The following AGMO variants were observed in gnomAD, a reference collection of about 807,000 sequenced individuals.
The protein encoded by AGMO is glyceryl-ether monooxygenase.
AGMO carries 75 observed loss-of-function variants against 60.2 expected under a neutral mutation model. The ratio of observed to expected loss-of-function variants is 1.25; its 90% confidence interval spans 1.03 to 1.51. The LOEUF (loss-of-function observed/expected upper bound fraction) is 1.51, where lower values mean the gene tolerates loss of function less well. Ranked by LOEUF, AGMO falls within the 40% of genes most tolerant of loss-of-function variation. The pLI is 0.00. For missense variants in AGMO, 763 were observed against 525.5 expected, an observed-to-expected ratio of 1.45 and a Z score of -4.42; for synonymous variants, 261 against 177.1, an observed-to-expected ratio of 1.47 and a Z score of -3.76.
intron 2 of AGMO, among the ~76,000 whole-genome samples, chr7:15,554,854 A>G (rs1437000003): frequency 6.6e-6 from 1 of 152,034 alleles, no homozygotes; most frequent in Non-Finnish European, 1.5e-5. Context: ...ACCCATCACC[A>G]GGAATAGAAG....
Position 15,293,941 on chromosome 7 carries a change from G to A in AGMO, c.1263+71573C>T, listed in dbSNP as rs114299675. On this transcript the variant is annotated intron_variant, in intron 12 of 12. Coordinates refer to ENST00000342526, the MANE Select transcript of AGMO (RefSeq NM_001004320.2). Reference sequence around the variant, plus strand: ...TGAAGAAATAATGTTATTAGGTAAAGTTGAATTTAACAGAAGGTCTAAGTA... The same window carrying A: ...TGAAGAAATAATGTTATTAGGTAAAATTGAATTTAACAGAAGGTCTAAGTA... Among the ~76,000 whole-genome samples, 801 of 151,276 alleles carry A rather than the reference G, an allele frequency of 5.3e-3. 6 individuals carry two copies. Among genetic ancestry groups the A allele is most frequent in the African/African-American group, 0.018 (747 of 40,634 alleles).
chr7:15,553,245 G>T (rs942532612), intron 2 of AGMO, among the ~76,000 whole-genome samples: 7 of 150,454 alleles, frequency 4.7e-5, no homozygotes, highest in Non-Finnish European at 5.9e-5. Flanking sequence ...TGGGTGCAGC[G>T]CACCAGCATG....
chr7:15,219,736 G>C (rs1015258710), intron 12 of AGMO, among the ~76,000 whole-genome samples: 3 of 152,138 alleles, frequency 2.0e-5, no homozygotes, highest in African/African-American at 7.2e-5. Context: ...AGCTGATGAT[G>C]ACAGTGGCCA....
chr7:15,163,680 A>G, the AGMO span, among the ~76,000 whole-genome samples: 2 of 152,072 alleles, frequency 1.3e-5, no homozygotes, highest in African/African-American at 4.8e-5. Flanking sequence ...TCCCTTGATC[A>G]TGATGTATTA....
At chr7:15,164,667 A>G in the AGMO span, among the ~76,000 whole-genome samples, 1 of 152,140 alleles carries the variant, frequency 6.6e-6, no homozygotes, top group South Asian at 2.1e-4. Context: ...TTTTTTTCAG[A>G]GAAATGCAAG....
chr7:15,268,199 G>A (rs547082198), intron 12 of AGMO, among the ~76,000 whole-genome samples: 1 of 152,038 alleles, frequency 6.6e-6, no homozygotes, highest in South Asian at 2.1e-4. Context: ...ATAGTCTTAT[G>A]AAGTCTCAGT....
rs538193021 is a variant in AGMO, at chr7:15,529,529, G to C, written c.409+15243C>G. Among the ~76,000 whole-genome samples the C allele has an allele frequency of 6.7e-4, 59 of 88,218 alleles. 2 individuals are homozygous for C. In the South Asian group the frequency reaches 0.02, roughly 30 times the overall value. 57.9% of individuals were successfully genotyped at this position (88,218 alleles called of 152,430 possible). A position where few individuals can be genotyped will look rare whatever the true frequency, so the allele number is the denominator to read the frequency against. ...TAGACTAGAATCTGTTCTTAGACTAGAATATATATATATTCTATATATATA... is the reference window on the plus strand; with the variant it reads ...TAGACTAGAATCTGTTCTTAGACTACAATATATATATATTCTATATATATA... On this transcript the variant is annotated intron_variant, in intron 3 of 12. Transcript: ENST00000342526.
At chr7:15,455,077 TTTCTCA>T (rs1781964604) in intron 3 of AGMO, among the ~76,000 whole-genome samples, 1 of 110,836 alleles carries the variant, frequency 9.0e-6, no homozygotes, top group South Asian at 3.5e-4. Flanking sequence ...TCTCTCTCTC[TTTCTCA>T]CACACACACA....
intron 12 of AGMO, among the ~76,000 whole-genome samples, chr7:15,350,602 G>C (rs952679636): frequency 1.3e-5 from 2 of 152,132 alleles, no homozygotes; most frequent in Non-Finnish European, 2.9e-5. Flanking sequence ...AAGTGAGAAT[G>C]TTTCAACTGT....
chr7:15,198,196 CGAGAGAGAGAGAGAGAGAGAGAGAGAGA>C (rs748392069), downstream of AGMO, among the ~76,000 whole-genome samples: 32 of 77,356 alleles, frequency 4.1e-4, no homozygotes, highest in Non-Finnish European at 6.4e-4. Flanking sequence ...AGGGCTTTCC[CGAGAGAGAGAGAGAGAGAGAGAGAGAGA>C]GAGAGAGAGA....
At chr7:15,492,479 G>C (rs1415489965) in intron 3 of AGMO, among the ~76,000 whole-genome samples, 2 of 151,944 alleles carry the variant, frequency 1.3e-5, no homozygotes, top group African/African-American at 4.8e-5. Flanking sequence ...TAGAATTGCA[G>C]GTTCCAAATT....
chr7:15,367,216 G>A (rs905179218), intron 10 of AGMO, among the ~76,000 whole-genome samples: 9 of 151,488 alleles, frequency 5.9e-5, no homozygotes, highest in Admixed American at 5.3e-4. Context: ...CATAAAGTGG[G>A]TTTTTATCCT....
downstream of AGMO, among the ~76,000 whole-genome samples, chr7:15,199,888 T>G (rs1195903836): frequency 6.6e-6 from 1 of 152,222 alleles, no homozygotes; most frequent in Non-Finnish European, 1.5e-5. Context: ...TTAATCTTCC[T>G]CTGCTGTTCC....
chr7:15,315,136 C>T (rs780875530), intron 12 of AGMO, among the ~76,000 whole-genome samples: 3 of 151,876 alleles, frequency 2.0e-5, no homozygotes, highest in Non-Finnish European at 4.4e-5. Flanking sequence ...GAGCAGAGAC[C>T]AGATTAGCCA....
intron 3 of AGMO, among the ~76,000 whole-genome samples, chr7:15,438,785 G>A (rs889981586): frequency 3.3e-5 from 5 of 152,192 alleles, no homozygotes; most frequent in African/African-American, 1.2e-4. Flanking sequence ...ACCAGGCTGT[G>A]AGTGAAAAGT....
chr7:15,425,070 G>T (rs1269920425), intron 4 of AGMO, among the ~76,000 whole-genome samples: 1 of 152,140 alleles, frequency 6.6e-6, no homozygotes, highest in Non-Finnish European at 1.5e-5. Flanking sequence ...TACTTGATAT[G>T]TTTCAGAGAA....
intron 3 of AGMO, among the ~76,000 whole-genome samples, chr7:15,451,378 G>C (rs1212966497): frequency 6.6e-6 from 1 of 152,168 alleles, no homozygotes; most frequent in Non-Finnish European, 1.5e-5. Flanking sequence ...TTAATAGAGA[G>C]TGCCTCAGAC....
chr7:15,224,807 T>A (rs944158560), intron 12 of AGMO, among the ~76,000 whole-genome samples: 5 of 152,020 alleles, frequency 3.3e-5, no homozygotes, highest in African/African-American at 1.2e-4. Flanking sequence ...GCAAAGCAAT[T>A]AGCAAATTTG....
At chr7:15,333,410 T>C (rs982990348) in intron 12 of AGMO, among the ~76,000 whole-genome samples, 12 of 152,022 alleles carry the variant, frequency 7.9e-5, no homozygotes, top group African/African-American at 2.4e-4. Context: ...AAATGTGACT[T>C]TTAACAAAAC....
Sources: gnomAD v4.1 joint callset for allele counts (sites outside exome capture counted in the v4.1 genomes callset) on GRCh38, gnomAD v4.1.1 for gene constraint, MANE v1.5 for transcripts, NCBI Gene and HGNC (gene_info 2026-07-23, HGNC 2026-07-21) for gene names.